Variants in NRG2 observed in about 807,000 individuals in gnomAD.
NRG2 encodes neuregulin 2.
Under a neutral mutation model 73.9 loss-of-function variants are expected in NRG2, and 27 were observed. That is an observed-to-expected ratio of 0.37 (90% CI 0.27 to 0.50). NRG2 has a LOEUF of 0.50. Among genes scored for constraint, NRG2 ranks in the 20% least tolerant of loss-of-function variants. NRG2 has a pLI of 0.96. For synonymous variants in NRG2, 532 were observed against 541.0 expected, an observed-to-expected ratio of 0.98 and a Z score of 0.23; for missense variants, 1,126 against 1,210.1, an observed-to-expected ratio of 0.93 and a Z score of 1.03.
intron 1 of NRG2, among the ~76,000 whole-genome samples, chr5:139,983,037 C>T (rs1339427001): frequency 6.6e-6 from 1 of 152,212 alleles, no homozygotes; most frequent in Non-Finnish European, 1.5e-5. Context: ...AGGACCACAG[C>T]TTCTGTTTAT....
intron 1 of NRG2, among the ~76,000 whole-genome samples, chr5:140,009,639 C>T (rs76238075): frequency 5.8e-4 from 89 of 152,300 alleles, no homozygotes; most frequent in African/African-American, 2.1e-3. Flanking sequence ...GAGGATGTCC[C>T]ACATCCTTGC....
Position 139,895,208 on chromosome 5 carries a change from G to A in NRG2, c.701-7697C>T, listed in dbSNP as rs567840765. 2.6e-5 allele frequency among the ~76,000 whole-genome samples: 4 copies of A among 152,358 alleles called. No homozygotes were observed. In the East Asian group the frequency reaches 5.8e-4, roughly 22 times the overall value. ...CCACCCACAGCCCCCTCTGCCAGGA[G>A]CCAAGCATCCTGAGAGAAACACTGG... is the stretch of plus-strand genomic sequence containing the variant. On this transcript the variant is annotated intron_variant, in intron 1 of 9. Transcript: ENST00000361474.
At chr5:140,039,197 T>C (rs1448814429) in intron 1 of NRG2, among the ~76,000 whole-genome samples, 1 of 152,212 alleles carries the variant, frequency 6.6e-6, no homozygotes, top group African/African-American at 2.4e-5. Flanking sequence ...AGGAAACTGC[T>C]TAAAAACATG....
intron 1 of NRG2, among the ~76,000 whole-genome samples, chr5:139,928,915 C>T (rs1752263340): frequency 6.6e-6 from 1 of 152,210 alleles, no homozygotes; most frequent in African/African-American, 2.4e-5. Context: ...TCGTCTAACA[C>T]ATTTGCCTCT....
At chr5:139,932,958 C>A (rs1334546629) in intron 1 of NRG2, among the ~76,000 whole-genome samples, 1 of 152,040 alleles carries the variant, frequency 6.6e-6, no homozygotes, top group Non-Finnish European at 1.5e-5. Flanking sequence ...AATTAAAAGG[C>A]AGAGATTGAC....
chr5:139,851,620 A>G lies in NRG2; in HGVS notation c.1756T>C (p.Ser586Pro), dbSNP rs746548916. The G allele has an allele frequency of 6.2e-7, 1 of 1,613,900 alleles. No homozygotes were observed. Among genetic ancestry groups the G allele is most frequent in the South Asian group, 1.1e-5 (1 of 91,050 alleles). ...GGAACTGACCTCTCGCTGTGTGGGG[A>G]GTCGCGAAGGGAGTCCACGGAATCG... The part of the protein sequence containing the change: ...YHDSVDSLRD[S>P]PHSERYVSAL... Residue 586 changes from serine (S) to proline (P), a missense_variant, in exon 9 of 10, where the codon TCC becomes CCC. Ser to Pro is a moderately conservative substitution (Grantham distance 74, BLOSUM62 -1). This residue lies in a region of NRG2 where 539 missense variants were observed against 703.2 expected (regional missense o/e 0.77). Transcript: ENST00000361474. The surrounding 1 kb of genome is among the most constrained non-coding windows in gnomAD (Gnocchi z 4.2).
intron 9 of NRG2, among the ~76,000 whole-genome samples, chr5:139,850,674 G>A (rs2076311431): frequency 6.6e-6 from 1 of 152,254 alleles, no homozygotes; most frequent in African/African-American, 2.4e-5. Flanking sequence ...ACTCAGGGCT[G>A]AGCAAGGTGG....
At chr5:139,902,762 T>A (rs1764970783) in intron 1 of NRG2, among the ~76,000 whole-genome samples, 1 of 152,068 alleles carries the variant, frequency 6.6e-6, no homozygotes, top group African/African-American at 2.4e-5. Context: ...AATCCATAAA[T>A]TTTCGATCAT....
intron 1 of NRG2, among the ~76,000 whole-genome samples, chr5:139,938,891 A>G (rs372349909): frequency 0.049 from 3,605 of 73,768 alleles, 74 homozygotes; most frequent in South Asian, 0.077. Context: ...AAGGAAAGAA[A>G]GAAAGAAAGA....
At chr5:140,025,256 C>T (rs1760593419) in intron 1 of NRG2, among the ~76,000 whole-genome samples, 1 of 152,168 alleles carries the variant, frequency 6.6e-6, no homozygotes, top group South Asian at 2.1e-4. Flanking sequence ...AACAGTCATG[C>T]TGTGCACATA....
intron 1 of NRG2, among the ~76,000 whole-genome samples, chr5:140,025,501 G>C (rs944102671): frequency 2.6e-5 from 4 of 152,086 alleles, no homozygotes; most frequent in African/African-American, 9.7e-5. Context: ...AGTTGATCGA[G>C]ATACAGTAGT....
At chr5:139,855,856 C>A in intron 5 of NRG2, 78 bp from the exon 6 acceptor site, 1 of 1,153,296 alleles carries the variant, frequency 8.7e-7, no homozygotes. Flanking sequence ...ACCCCTTTGC[C>A]CCCAAAGCCA....
chr5:139,889,378 G>A (rs1764069710), intron 1 of NRG2, among the ~76,000 whole-genome samples: 1 of 152,080 alleles, frequency 6.6e-6, no homozygotes, highest in African/African-American at 2.4e-5. Context: ...AATTCAAGAA[G>A]TGAAAAGAGG....
chr5:139,855,596 A>T (rs1761757579), intron 6 of NRG2, 80 bp downstream of exon 6: 4 of 1,204,492 alleles, frequency 3.3e-6, no homozygotes, highest in Non-Finnish European at 4.9e-6. Context: ...GGGGTGGGGG[A>T]GGAAAGTCTT....
chr5:139,910,721 A>G (rs1023319487), intron 1 of NRG2, among the ~76,000 whole-genome samples: 1 of 152,150 alleles, frequency 6.6e-6, no homozygotes, highest in Non-Finnish European at 1.5e-5. Flanking sequence ...CCTATGGGAC[A>G]CAAGTTCAGA....
At chr5:139,940,352 A>G (rs1753294891) in intron 1 of NRG2, among the ~76,000 whole-genome samples, 1 of 152,252 alleles carries the variant, frequency 6.6e-6, no homozygotes, top group Admixed American at 6.5e-5. Flanking sequence ...AAAAGAATAC[A>G]TACTATGTGA....
rs952464709 is a variant in NRG2, at chr5:139,985,347, A to G, written c.700+57023T>C. Among the ~76,000 whole-genome samples the G allele has an allele frequency of 1.6e-4, 25 of 152,020 alleles. 2 individuals are homozygous for G. The highest frequency in any genetic ancestry group is 6.0e-4 in the African/African-American group (25 of 41,466). On this transcript the variant is annotated intron_variant, in intron 1 of 9. Transcript: ENST00000361474. Reference sequence around the variant, plus strand: ...AGAGCAAGACTCGGTCTCAAAAAAAAAAAAAAAAAGTATTTCATTTCTATC... The same window carrying G: ...AGAGCAAGACTCGGTCTCAAAAAAAGAAAAAAAAAGTATTTCATTTCTATC...
At position 140,006,797 on chromosome 5, in the gene NRG2, T is replaced by G. The variant is rs1019768765; in HGVS notation, c.700+35573A>C. ...CTTTAAATTTTTCTTCTTTTATACT[T>G]CTCTGTTTCTTCTATATTTTCTCCA... On this transcript the variant is annotated intron_variant, in intron 1 of 9. Transcript: ENST00000361474. Among the ~76,000 whole-genome samples, 16 of 152,334 alleles carry G rather than the reference T, an allele frequency of 1.1e-4. 1 individual carries two copies. The highest frequency in any genetic ancestry group is 6.8e-3 in the Middle Eastern group (2 of 294).
At chr5:139,850,358 C>T (rs1761337099) in intron 9 of NRG2, among the ~76,000 whole-genome samples, 1 of 152,206 alleles carries the variant, frequency 6.6e-6, no homozygotes, top group Non-Finnish European at 1.5e-5. Context: ...GAAAATCTGG[C>T]TACTTCCCAG....
Sources: allele counts gnomAD v4.1 joint callset (sites outside exome capture counted in the v4.1 genomes callset), GRCh38; gene constraint gnomAD v4.1.1; regional missense constraint gnomAD v4.1.1; non-coding constraint Gnocchi (gnomAD v3.1); transcripts MANE v1.5; gene names NCBI Gene and HGNC (gene_info 2026-07-23, HGNC 2026-07-21).